The following MAB21L3 variants were observed in gnomAD, a reference collection of about 807,000 sequenced individuals.
MAB21L3 encodes protein mab-21-like 3.
MAB21L3 carries 36 observed loss-of-function variants against 37.7 expected under a neutral mutation model. The ratio of observed to expected loss-of-function variants is 0.96; its 90% CI spans 0.73 to 1.26. MAB21L3 has a LOEUF of 1.26. MAB21L3 is among the 50% of genes most tolerant of loss of function. MAB21L3 has a pLI of 0.00. For missense variants in MAB21L3, 430 were observed against 447.3 expected, an observed-to-expected ratio of 0.96 and a Z score of 0.35; for synonymous variants, 186 against 176.8, an observed-to-expected ratio of 1.05 and a Z score of -0.41.
intron 4 of MAB21L3, among the ~76,000 whole-genome samples, chr1:116,123,209 C>T (rs760343094): frequency 1.8e-4 from 27 of 152,204 alleles, no homozygotes; most frequent in Admixed American, 6.5e-5. Flanking sequence ...TCTCGGCTGC[C>T]GGTCTGCCTG....
In MAB21L3 at chr1:116,114,966, G is replaced by T. The variant is rs144504661; in HGVS notation, c.48+2303G>T. On this transcript the variant is annotated intron_variant, in intron 3 of 7. Coordinates refer to ENST00000369500, the MANE Select transcript of MAB21L3 (RefSeq NM_152367.3). The stretch of plus-strand genomic sequence containing the variant: ...AGGGAACCCCGTTCAAACATTCAAG[G>T]TGTATTTCATTCCCAGTCACCTTTT... Among the ~76,000 whole-genome samples, 7 of 152,308 alleles carry T rather than the reference G, an allele frequency of 4.6e-5. No homozygotes were observed. In the East Asian group the frequency reaches 1.3e-3, roughly 29 times the overall value.
rs908600720 is a variant in MAB21L3, at chr1:116,136,608, G to T, written c.*3243G>T. On this transcript the variant is annotated 3_prime_UTR_variant, in exon 8 of 8. Coordinates refer to ENST00000369500, the MANE Select transcript of MAB21L3 (RefSeq NM_152367.3). ...CAAGCTACCAATGACTTTCTTCACA[G>T]AATTGGAAAAAACTACTTTAAAGTT... 6.6e-6 allele frequency among the ~76,000 whole-genome samples: 1 copy of T among 152,036 alleles called. No individual in the cohort carries two copies. Among genetic ancestry groups the T allele is most frequent in the Non-Finnish European group, 1.5e-5 (1 of 67,998 alleles).
chr1:116,133,058 G>C (rs546258321), intron 7 of MAB21L3, 74 bp from the exon 8 acceptor site: 2 of 1,245,534 alleles, frequency 1.6e-6, no homozygotes, highest in Non-Finnish European at 2.3e-6. Flanking sequence ...GGCCACATAA[G>C]CTCAATAATT....
chr1:116,123,867 G>T, intron 4 of MAB21L3, 199 bp from the exon 5 acceptor site: 1 of 556,560 alleles, frequency 1.8e-6, no homozygotes, highest in East Asian at 3.0e-5. Context: ...CTTGCCCGAA[G>T]TATTTACAAT....
At chr1:116,119,069 A>G (rs1416923044) in intron 3 of MAB21L3, among the ~76,000 whole-genome samples, 1 of 152,268 alleles carries the variant, frequency 6.6e-6, no homozygotes, top group East Asian at 1.9e-4. Context: ...ATTGAATCAC[A>G]ACACAGATGG....
At chr1:116,128,402 G>T in intron 7 of MAB21L3, 63 bp downstream of exon 7, 1 of 1,491,112 alleles carries the variant, frequency 6.7e-7, no homozygotes, top group Non-Finnish European at 9.0e-7. Flanking sequence ...TCTTCCTGTG[G>T]CCTCTGTAGG....
intron 3 of MAB21L3, among the ~76,000 whole-genome samples, chr1:116,116,337 G>A (rs1043299373): frequency 1.3e-5 from 2 of 152,162 alleles, no homozygotes; most frequent in Admixed American, 6.5e-5. Flanking sequence ...AGCCAGAGAT[G>A]TGGGGAGGGA....
chr1:116,127,575 G>T lies in MAB21L3; in HGVS notation c.591G>T (p.Trp197Cys). The change falls in exon 6 of 8, where the codon TGG becomes TGT. Residue 197 changes from tryptophan (W) to cysteine (C), a missense_variant. By Grantham distance (215) the Trp-to-Cys change is radical. Transcript: ENST00000369500. Reference sequence around the variant, plus strand: ...CCGCAGTGGAGATCCCCACCACCTGGTCCAAGAAAGCCCGGTGGCCTCGAT... The same window carrying T: ...CCGCAGTGGAGATCCCCACCACCTGTTCCAAGAAAGCCCGGTGGCCTCGAT... ...LVPAVEIPTT[W>C]SKKARWPRCL... 6.2e-7 allele frequency: 1 copy of T among 1,614,150 alleles called. No individual in the cohort carries two copies. Among genetic ancestry groups the T allele is most frequent in the Non-Finnish European group, 8.5e-7 (1 of 1,180,030 alleles).
chr1:116,131,734 C>G (rs1660069559), intron 7 of MAB21L3, among the ~76,000 whole-genome samples: 1 of 151,928 alleles, frequency 6.6e-6, no homozygotes, highest in African/African-American at 2.4e-5. Context: ...CAGGATGGGA[C>G]CTTGAAGTAT....
At position 116,128,278 on chromosome 1, in the gene MAB21L3, A is replaced by C. The variant is rs753443334; in HGVS notation, c.794A>C (p.His265Pro). 6.2e-7 allele frequency: 1 copy of C among 1,614,052 alleles called. No homozygotes were observed. The highest frequency in any genetic ancestry group is 8.5e-7 in the Non-Finnish European group (1 of 1,179,988). The change falls in exon 7 of 8, where the codon CAC becomes CCC. Residue 265 changes from histidine to proline, a missense_variant. By Grantham distance (77) the His-to-Pro change is moderately conservative. Transcript: ENST00000369500. ...AGGAAGTGTTTTCAGGTCATGAGGC[A>C]CCTGAAGGAGGACATCTGGTGCCCA... ...CRRKCFQVMR[H>P]LKEDIWCPGN...
At chr1:116,123,242 C>T (rs1339276295) in intron 4 of MAB21L3, among the ~76,000 whole-genome samples, 2 of 152,218 alleles carry the variant, frequency 1.3e-5, no homozygotes, top group East Asian at 1.9e-4. Flanking sequence ...CGTTGCTTCA[C>T]TGGTTCCTGG....
rs1369246776 is a variant in MAB21L3 at position 116,124,048 on chromosome 1, A to G, written c.190-18A>G. ...ATCTGTGAATTCATGCTTGTTTTCAATCCTTTCCTGACCCTAGGTTTTGGC... is the reference window on the plus strand; with the variant it reads ...ATCTGTGAATTCATGCTTGTTTTCAGTCCTTTCCTGACCCTAGGTTTTGGC... On this transcript the variant is annotated intron_variant, in intron 4 of 7. Coordinates refer to ENST00000369500, the MANE Select transcript of MAB21L3 (RefSeq NM_152367.3). The G allele has an allele frequency of 1.3e-6, 2 of 1,576,632 alleles. No homozygotes were observed. Among genetic ancestry groups the G allele is most frequent in the Non-Finnish European group, 1.7e-6 (2 of 1,160,510 alleles).
rs1449668392 is a variant in MAB21L3 at position 116,123,481 on chromosome 1, A to T, written c.190-585A>T. On this transcript the variant is annotated intron_variant, in intron 4 of 7. Coordinates refer to ENST00000369500, the MANE Select transcript of MAB21L3 (RefSeq NM_152367.3). ...CTTCCCACCTTTAATTTGTGTCAAA[A>T]CATTCACCATTCCATGTCATTCATT... Among the ~76,000 whole-genome samples the T allele has an allele frequency of 3.3e-5, 5 of 152,320 alleles. No homozygotes were observed. In the East Asian group the frequency reaches 9.6e-4, roughly 29 times the overall value.
Position 116,124,099 on chromosome 1 carries a change from C to G in MAB21L3, c.223C>G (p.Pro75Ala). The change falls in exon 5 of 8, where the codon CCA becomes GCA. Residue 75 changes from proline to alanine, a missense_variant. By Grantham distance (27) the Pro-to-Ala change is conservative (BLOSUM62 -1). Transcript: ENST00000369500. ...TCCCAGTCAGTTCCTCGTCACAGTCCCAATAAAAGGCCTGGCCGGGTACAG... is the reference window on the plus strand; with the variant it reads ...TCCCAGTCAGTTCCTCGTCACAGTCGCAATAAAAGGCCTGGCCGGGTACAG... ...LAPSQFLVTVPIKGLAGYREA... is the reference protein window; with the variant it reads ...LAPSQFLVTVAIKGLAGYREA... The G allele has an allele frequency of 6.2e-7, 1 of 1,611,550 alleles. No homozygotes were observed. Among genetic ancestry groups the G allele is most frequent in the Non-Finnish European group, 8.5e-7 (1 of 1,178,336 alleles).
chr1:116,131,924 G>A (rs1322625187), intron 7 of MAB21L3, among the ~76,000 whole-genome samples: 2 of 152,192 alleles, frequency 1.3e-5, no homozygotes, highest in African/African-American at 4.8e-5. Context: ...GGGTAGACTC[G>A]AGAAATACTT....
chr1:116,118,345 G>T (rs1659650296), intron 3 of MAB21L3, among the ~76,000 whole-genome samples: 1 of 151,320 alleles, frequency 6.6e-6, no homozygotes, highest in Admixed American at 6.6e-5. Flanking sequence ...TCACACCACT[G>T]CACTCCAGCC....
Position 116,135,783 on chromosome 1 carries a change from A to G in MAB21L3, c.*2418A>G, listed in dbSNP as rs1660188477. 1.3e-5 allele frequency among the ~76,000 whole-genome samples: 2 copies of G among 152,072 alleles called. No homozygotes were observed. Among genetic ancestry groups the G allele is most frequent in the South Asian group, 2.1e-4 (1 of 4,812 alleles). ...CACATCAAAAAGCTTATCCACCATG[A>G]TCAAGTGGGCTTCATCCCTGGGATG... is the stretch of plus-strand genomic sequence containing the variant. On this transcript the variant is annotated 3_prime_UTR_variant, in exon 8 of 8. Coordinates refer to ENST00000369500, the MANE Select transcript of MAB21L3 (RefSeq NM_152367.3).
At chr1:116,118,374 C>T (rs1659650860) in intron 3 of MAB21L3, among the ~76,000 whole-genome samples, 1 of 136,794 alleles carries the variant, frequency 7.3e-6, no homozygotes, top group Non-Finnish European at 1.5e-5. Context: ...GAGCGAGAAT[C>T]CATCAAAAAA....
chr1:116,135,828 G>T lies in MAB21L3; in HGVS notation c.*2463G>T, dbSNP rs1224386517. Reference sequence around the variant, plus strand: ...GGGATGCAAGGCTGGTTCAATATACGCAAATCAATAAATGTAATCCAGCAT... The same window carrying T: ...GGGATGCAAGGCTGGTTCAATATACTCAAATCAATAAATGTAATCCAGCAT... On this transcript the variant is annotated 3_prime_UTR_variant, in exon 8 of 8. Coordinates refer to ENST00000369500, the MANE Select transcript of MAB21L3 (RefSeq NM_152367.3). Among the ~76,000 whole-genome samples the T allele has an allele frequency of 2.0e-5, 3 of 149,558 alleles. No individual in the cohort carries two copies. The highest frequency in any genetic ancestry group is 3.0e-5 in the Non-Finnish European group (2 of 66,738).
Sources: gnomAD v4.1 joint callset for allele counts (sites outside exome capture counted in the v4.1 genomes callset) on GRCh38, gnomAD v4.1.1 for gene constraint, MANE v1.5 for transcripts, NCBI Gene and HGNC (gene_info 2026-07-23, HGNC 2026-07-21) for gene names.